The following ABCA4 variants were observed in gnomAD, a reference collection of about 807,000 sequenced individuals.
ABCA4 encodes retinal-specific phospholipid-transporting ATPase ABCA4.
In ABCA4, 196 loss-of-function variants were observed where a neutral mutation model predicts 263.7. The ratio of observed to expected loss-of-function variants is 0.74; its 90% CI spans 0.66 to 0.84. The LOEUF is 0.84. Ranked by LOEUF, ABCA4 falls within the 40% of genes least tolerant of loss-of-function variation. ABCA4 has a pLI of 0.00. For missense variants in ABCA4, 2,792 were observed against 2,855.1 expected, an observed-to-expected ratio of 0.98 and a Z score of 0.50; for synonymous variants, 1,133 against 1,094.2, an observed-to-expected ratio of 1.04 and a Z score of -0.70.
In ABCA4 at chr1:94,043,489, A is replaced by T. The variant is rs17110922; in HGVS notation, c.3051-14T>A. The T allele has an allele frequency of 1.8e-3, 2,955 of 1,614,094 alleles. 44 individuals carry two copies. In the African/African-American group the frequency reaches 0.033, roughly 18 times the overall value. Reference sequence around the variant, plus strand: ...GCCACCGTGAGGCTAGGAGGATGGGACAACGAGAAAAGCAGTGGCTTAGCA... The same window carrying T: ...GCCACCGTGAGGCTAGGAGGATGGGTCAACGAGAAAAGCAGTGGCTTAGCA... On this transcript the variant is annotated splice_polypyrimidine_tract_variant and intron_variant, in intron 20 of 49. Transcript: ENST00000370225.
At chr1:94,025,518 G>T (rs762902262) in intron 30 of ABCA4, 5 of 236,620 alleles carry the variant, frequency 2.1e-5, no homozygotes, top group South Asian at 6.1e-5. Flanking sequence ...CACTACCAAG[G>T]CCCATGTGGC....
chr1:94,081,845 C>T (rs893586753), intron 7 of ABCA4, among the ~76,000 whole-genome samples: 1 of 152,210 alleles, frequency 6.6e-6, no homozygotes, highest in Non-Finnish European at 1.5e-5. Flanking sequence ...AGTAGCTTGG[C>T]TCCCATAATG....
chr1:94,074,228 G>A (rs1042088323), intron 11 of ABCA4, among the ~76,000 whole-genome samples: 1 of 152,204 alleles, frequency 6.6e-6, no homozygotes, highest in Non-Finnish European at 1.5e-5. Context: ...ACAACCACCT[G>A]ATCTTTGCCA....
At chr1:94,021,541 G>A (rs1659896866) in intron 34 of ABCA4, 99 bp downstream of exon 34, 3 of 1,499,654 alleles carry the variant, frequency 2.0e-6, no homozygotes, top group East Asian at 4.5e-5. Flanking sequence ...ATTTCAGCAG[G>A]AGGAGGGATG....
chr1:94,042,055 C>T (rs565664092), intron 22 of ABCA4, among the ~76,000 whole-genome samples: 7 of 138,126 alleles, frequency 5.1e-5, no homozygotes, highest in African/African-American at 8.0e-5. Flanking sequence ...GTGGAGATTG[C>T]GCCACTGCAC....
At chr1:94,120,280 G>A (rs1662912921) in intron 1 of ABCA4, among the ~76,000 whole-genome samples, 1 of 152,164 alleles carries the variant, frequency 6.6e-6, no homozygotes, top group Non-Finnish European at 1.5e-5. Context: ...CCAGTCCAGG[G>A]TGGAATCTGT....
intron 48 of ABCA4, 125 bp downstream of exon 48, chr1:93,997,736 A>T: frequency 1.5e-6 from 2 of 1,306,558 alleles, no homozygotes; most frequent in Non-Finnish European, 2.1e-6. Context: ...TTACCCCAAT[A>T]AACAGAGGGC....
intron 43 of ABCA4, among the ~76,000 whole-genome samples, chr1:94,005,865 T>C (rs771865891): frequency 3.9e-5 from 6 of 152,186 alleles, no homozygotes; most frequent in Non-Finnish European, 8.8e-5. Flanking sequence ...CACATGTGAG[T>C]TTAAAAACAG....
Position 94,060,673 on chromosome 1 carries a change from A to T in ABCA4, c.2024T>A (p.Val675Asp). The T allele has an allele frequency of 6.2e-7, 1 of 1,614,126 alleles. No homozygotes were observed. Among genetic ancestry groups the T allele is most frequent in the Non-Finnish European group, 8.5e-7 (1 of 1,179,990 alleles). ...YSVSMTVKSI[V>D]LEKELRLKET... ...CTTCAGTCGCAACTCCTTCTCCAAG[A>T]CGATGCTCTTCACAGTCATGGAGAC... Residue 675 changes from valine to aspartate, a missense_variant, in exon 14 of 50, where the codon GTC (valine) becomes GAC (aspartate). Transcript: ENST00000370225.
At position 94,080,695 on chromosome 1, in the gene ABCA4, C is replaced by A. The variant is rs1042772588; in HGVS notation, c.882G>T (p.Gln294His). ...GGGGCCTGGTCACCCACAGCAAGTC[C>A]TGCATACTCGGCCGATGGATAAACT... ...IQEFIHRPSM[Q>H]DLLWVTRPLM... Residue 294 changes from glutamine to histidine, a missense_variant, in exon 8 of 50, where the codon CAG (glutamine) becomes CAT (histidine). Coordinates refer to ENST00000370225, the MANE Select transcript of ABCA4 (RefSeq NM_000350.3). The A allele has an allele frequency of 1.2e-6, 2 of 1,614,016 alleles. No individual in the cohort carries two copies. Among genetic ancestry groups the A allele is most frequent in the African/African-American group, 2.7e-5 (2 of 74,886 alleles).
At chr1:94,039,232 C>T (rs2101045965) in intron 24 of ABCA4, among the ~76,000 whole-genome samples, 1 of 152,308 alleles carries the variant, frequency 6.6e-6, no homozygotes, top group South Asian at 2.1e-4. Context: ...GTGATGATGC[C>T]TCTCTGAGCA....
In ABCA4 at chr1:94,067,381, T is replaced by C. The variant is rs143998600; in HGVS notation, c.1555-4064A>G. Among the ~76,000 whole-genome samples, 60 of 152,380 alleles carry C rather than the reference T, an allele frequency of 3.9e-4. No homozygotes were observed. The East Asian group carries it at 9.2e-3, about 23-fold the overall frequency. The stretch of plus-strand genomic sequence containing the variant: ...GGCATTGCTGACTGCTGTGATGACG[T>C]GGGCTCCATCCTGGCTGGTTTATCA... On this transcript the variant is annotated intron_variant, in intron 11 of 49. Transcript: ENST00000370225.
intron 4 of ABCA4, among the ~76,000 whole-genome samples, chr1:94,108,251 A>G (rs1448333017): frequency 6.6e-6 from 1 of 152,160 alleles, no homozygotes; most frequent in African/African-American, 2.4e-5. Flanking sequence ...CTATATCTTT[A>G]CGAAACTCTG....
chr1:94,018,605 C>T, intron 36 of ABCA4: 1 of 455,812 alleles, frequency 2.2e-6, no homozygotes, highest in Non-Finnish European at 4.4e-6. Flanking sequence ...ATGAGAAGGT[C>T]ATTTGTGTTG....
intron 26 of ABCA4, among the ~76,000 whole-genome samples, chr1:94,033,153 C>T (rs1308067847): frequency 6.6e-6 from 1 of 152,158 alleles, no homozygotes; most frequent in East Asian, 1.9e-4. Context: ...GGCATGGTGG[C>T]TCATGCCTGT....
chr1:94,102,549 C>T (rs1662311909), intron 5 of ABCA4, among the ~76,000 whole-genome samples: 1 of 152,044 alleles, frequency 6.6e-6, no homozygotes, highest in Non-Finnish European at 1.5e-5. Flanking sequence ...TTCCTTGCAG[C>T]ACCCATCACA....
intron 40 of ABCA4, among the ~76,000 whole-genome samples, chr1:94,009,917 C>G (rs1028161681): frequency 6.6e-6 from 1 of 152,222 alleles, no homozygotes; most frequent in East Asian, 1.9e-4. Flanking sequence ...TCTCCCATAA[C>G]TAGAACTGCT....
At chr1:94,062,171 A>C (rs911479753) in intron 13 of ABCA4, among the ~76,000 whole-genome samples, 11 of 152,190 alleles carry the variant, frequency 7.2e-5, no homozygotes, top group African/African-American at 2.7e-4. Flanking sequence ...CAGGGCTCCC[A>C]GGAACCAGAC....
At chr1:94,096,274 G>A (rs184598181) in intron 6 of ABCA4, among the ~76,000 whole-genome samples, 37 of 152,264 alleles carry the variant, frequency 2.4e-4, no homozygotes, top group Middle Eastern at 6.8e-3. Flanking sequence ...GCATTTGTAG[G>A]ACACATTGAA....
Sources: allele counts gnomAD v4.1 joint callset (sites outside exome capture counted in the v4.1 genomes callset), GRCh38; gene constraint gnomAD v4.1.1; transcripts MANE v1.5; gene names NCBI Gene and HGNC (gene_info 2026-07-23, HGNC 2026-07-21).